Variants in GCC2 observed in about 807,000 individuals in gnomAD.
The protein encoded by GCC2 is GRIP and coiled-coil domain containing 2.
In GCC2, 120 loss-of-function variants were observed where a neutral mutation model predicts 210.6. That is an observed-to-expected ratio of 0.57 (90% CI 0.49 to 0.66). The LOEUF is 0.66. Among genes scored for constraint, GCC2 ranks in the 30% least tolerant of loss-of-function variants. The pLI, the probability that GCC2 is intolerant of heterozygous loss-of-function variation, is 0.00. For missense variants in GCC2, 1,868 were observed against 1,871.9 expected, an observed-to-expected ratio of 1.00 and a Z score of 0.04; for synonymous variants, 703 against 652.7, an observed-to-expected ratio of 1.08 and a Z score of -1.17.
intron 17 of GCC2, among the ~76,000 whole-genome samples, chr2:108,488,119 C>A (rs1682238291): frequency 6.6e-6 from 1 of 151,958 alleles, no homozygotes; most frequent in Admixed American, 6.6e-5. Context: ...GTTGGCCAGG[C>A]TGGTCTCAAA....
chr2:108,505,813 G>T (rs1683153765), intron 22 of GCC2, among the ~76,000 whole-genome samples: 1 of 152,052 alleles, frequency 6.6e-6, no homozygotes, highest in Non-Finnish European at 1.5e-5. Context: ...ATGTGTTAAG[G>T]TACTAACTTT....
intron 18 of GCC2, among the ~76,000 whole-genome samples, chr2:108,490,823 T>C (rs190933023): frequency 1.1e-4 from 16 of 152,322 alleles, no homozygotes; most frequent in Admixed American, 2.6e-4. Flanking sequence ...CCAACACTTA[T>C]TCTTTTGGAA....
Position 108,471,938 on chromosome 2 carries a change from A to C in GCC2, c.2609A>C (p.Lys870Thr). The stretch of plus-strand genomic sequence containing the variant: ...CTAGAAATGAAGAATGCTAATGAAA[A>C]AACAAGGCTTGAAAATCAGAATCTT... ...DLLEMKNANE[K>T]TRLENQNLLI... The change falls in exon 6 of 23, where the codon AAA becomes ACA. Residue 870 changes from lysine to threonine, a missense_variant. By Grantham distance (78) the Lys-to-Thr change is moderately conservative. Coordinates refer to ENST00000309863, the MANE Select transcript of GCC2 (RefSeq NM_181453.4). 6.2e-7 allele frequency: 1 copy of C among 1,603,222 alleles called. No homozygotes were observed. Among genetic ancestry groups the C allele is most frequent in the Non-Finnish European group, 8.5e-7 (1 of 1,177,228 alleles).
intron 22 of GCC2, among the ~76,000 whole-genome samples, chr2:108,505,993 T>C (rs1683165441): frequency 6.6e-6 from 1 of 152,152 alleles, no homozygotes; most frequent in Non-Finnish European, 1.5e-5. Context: ...CAGAAAGGTG[T>C]CTGGAAGGAT....
In GCC2 at chr2:108,509,295, T is replaced by C. The variant is rs563179808; in HGVS notation, c.*1665T>C. On this transcript the variant is annotated 3_prime_UTR_variant, in exon 23 of 23. Coordinates refer to ENST00000309863, the MANE Select transcript of GCC2 (RefSeq NM_181453.4). Reference sequence around the variant, plus strand: ...CATAACAAAATAATTTTTTGCATGATAAAAAATTACTTTGATTACAAAAGG... The same window carrying C: ...CATAACAAAATAATTTTTTGCATGACAAAAAATTACTTTGATTACAAAAGG... 2.0e-5 allele frequency: 3 copies of C among 152,652 alleles called. No homozygotes were observed. The highest frequency in any genetic ancestry group is 7.2e-5 in the African/African-American group (3 of 41,460). 9.5% of individuals were successfully genotyped at this position (152,652 alleles called of 1,614,324 possible).
In GCC2 at chr2:108,461,638, G is replaced by T. The variant is rs1439382953; in HGVS notation, c.217-7342G>T. Among the ~76,000 whole-genome samples, 3 of 151,774 alleles carry T rather than the reference G, an allele frequency of 2.0e-5. No individual in the cohort carries two copies. In the East Asian group the frequency reaches 5.9e-4, roughly 30 times the overall value. Reference sequence around the variant, plus strand: ...CTGCCTCAGCCTCCCAAGTAGCTGGGATTACAGCCATCTGCCACCATGCCC... The same window carrying T: ...CTGCCTCAGCCTCCCAAGTAGCTGGTATTACAGCCATCTGCCACCATGCCC... On this transcript the variant is annotated intron_variant, in intron 4 of 22. Coordinates refer to ENST00000309863, the MANE Select transcript of GCC2 (RefSeq NM_181453.4).
At position 108,469,194 on chromosome 2, in the gene GCC2, T is replaced by C. The variant is rs1558737900; in HGVS notation, c.321+110T>C. The C allele has an allele frequency of 5.6e-6, 3 of 531,534 alleles. No individual in the cohort carries two copies. The African/African-American group carries it at 5.9e-5, about 11-fold the overall frequency. The allele number at this position is 531,534 out of a possible 1,614,324, so 32.9% of individuals were successfully genotyped here. ...CTAATCTGATTAATATTTTATAATA[T>C]AAACAAAGAAACCGAGATTGAGATT... On this transcript the variant is annotated intron_variant, in intron 5 of 22. Coordinates refer to ENST00000309863, the MANE Select transcript of GCC2 (RefSeq NM_181453.4).
At chr2:108,495,791 AAGGGC>A (rs1273121225) in intron 20 of GCC2, 3 of 190,502 alleles carry the variant, frequency 1.6e-5, no homozygotes, top group African/African-American at 7.1e-5. Context: ...TGTGATGTTC[AAGGGC>A]AGGAAGCATC....
intron 11 of GCC2, among the ~76,000 whole-genome samples, chr2:108,482,833 T>C (rs1265385888): frequency 6.6e-6 from 1 of 151,952 alleles, no homozygotes; most frequent in Admixed American, 6.6e-5. Flanking sequence ...CTCACCACCA[T>C]GCCCAGCTAA....
At chr2:108,469,129 G>A in intron 5 of GCC2, 45 bp downstream of exon 5, 3 of 1,101,678 alleles carry the variant, frequency 2.7e-6, no homozygotes, top group Non-Finnish European at 4.1e-6. Flanking sequence ...TTAACATATA[G>A]TGTAGTCATT....
chr2:108,479,263 A>G (rs1681710568), intron 9 of GCC2, among the ~76,000 whole-genome samples: 1 of 152,220 alleles, frequency 6.6e-6, no homozygotes. Flanking sequence ...TTCAGATTGT[A>G]ACAGTCAGCC....
chr2:108,481,534 G>A (rs1040185564), intron 9 of GCC2, among the ~76,000 whole-genome samples, 163 bp from the exon 10 acceptor site: 13 of 152,014 alleles, frequency 8.6e-5, no homozygotes, highest in Non-Finnish European at 7.4e-5. Flanking sequence ...TACCCAAAAT[G>A]TGCTAGTTTT....
rs771664379 is a variant in GCC2, at chr2:108,471,950, A to G, written c.2621A>G (p.Glu874Gly). The G allele has an allele frequency of 2.5e-6, 4 of 1,604,168 alleles. No individual in the cohort carries two copies. Among genetic ancestry groups the G allele is most frequent in the Non-Finnish European group, 3.4e-6 (4 of 1,177,516 alleles). ...AATGCTAATGAAAAAACAAGGCTTG[A>G]AAATCAGAATCTTTTAATTCAAGTT... ...MKNANEKTRL[E>G]NQNLLIQVEE... The change falls in exon 6 of 23, where the codon GAA becomes GGA. Residue 874 changes from glutamate (E) to glycine (G), a missense_variant. By Grantham distance (98) the Glu-to-Gly change is moderately conservative. Coordinates refer to ENST00000309863, the MANE Select transcript of GCC2 (RefSeq NM_181453.4).
intron 22 of GCC2, among the ~76,000 whole-genome samples, chr2:108,505,692 C>T (rs1472457719): frequency 6.6e-6 from 1 of 151,780 alleles, no homozygotes; most frequent in East Asian, 1.9e-4. Context: ...TTCTCCAGTC[C>T]AGCCTTCAGA....
intron 7 of GCC2, chr2:108,473,238 A>C (rs1681331914): frequency 1.0e-5 from 2 of 198,638 alleles, no homozygotes; most frequent in Non-Finnish European, 1.0e-5. Context: ...CCATGTGCTC[A>C]GAGATCTCAC....
Position 108,453,229 on chromosome 2 carries a change from A to G in GCC2, c.216+763A>G, listed in dbSNP as rs1680055512. Among the ~76,000 whole-genome samples, 5 of 152,202 alleles carry G rather than the reference A, an allele frequency of 3.3e-5. No homozygotes were observed. The South Asian group carries it at 6.2e-4, about 19-fold the overall frequency. On this transcript the variant is annotated intron_variant, in intron 4 of 22. Transcript: ENST00000309863. Reference sequence around the variant, plus strand: ...CCCTTGGTTAGACCAGTGGCACCACAGTTTTTTATACCTTTTGACTTTAGA... The same window carrying G: ...CCCTTGGTTAGACCAGTGGCACCACGGTTTTTTATACCTTTTGACTTTAGA...
intron 18 of GCC2, among the ~76,000 whole-genome samples, chr2:108,491,673 A>G (rs1682408192): frequency 6.6e-6 from 1 of 152,188 alleles, no homozygotes; most frequent in Non-Finnish European, 1.5e-5. Flanking sequence ...CATGAGAGTA[A>G]TTAATAAGGG....
chr2:108,452,562 C>T, intron 4 of GCC2, 96 bp downstream of exon 4: 3 of 759,782 alleles, frequency 3.9e-6, no homozygotes, highest in Non-Finnish European at 7.0e-6. Flanking sequence ...TTCTGTTCTA[C>T]TTCCTCTCTG....
At chr2:108,485,024 A>T (rs1682060184) in intron 13 of GCC2, among the ~76,000 whole-genome samples, 1 of 152,106 alleles carries the variant, frequency 6.6e-6, no homozygotes, top group African/African-American at 2.4e-5. Context: ...CTTTGTAGGG[A>T]CATGGATGAA....
Sources: gnomAD v4.1 joint callset for allele counts (sites outside exome capture counted in the v4.1 genomes callset) on GRCh38, gnomAD v4.1.1 for gene constraint, MANE v1.5 for transcripts, NCBI Gene and HGNC (gene_info 2026-07-23, HGNC 2026-07-21) for gene names.